The following CACNA1B variants were observed in gnomAD, a reference collection of about 807,000 sequenced individuals.
CACNA1B encodes the protein calcium voltage-gated channel subunit alpha1 B, also known as voltage-dependent N-type calcium channel subunit alpha-1B.
CACNA1B carries 70 observed loss-of-function variants against 247.2 expected under a neutral mutation model. That is an observed-to-expected ratio of 0.28 (90% confidence interval 0.23 to 0.35). CACNA1B has a LOEUF of 0.35. Ranked by LOEUF, CACNA1B falls within the 10% of genes least tolerant of loss-of-function variation. The pLI is 1.00. For missense variants in CACNA1B, 2,367 were observed against 3,197.4 expected, an observed-to-expected ratio of 0.74 and a Z score of 6.26; for synonymous variants, 1,231 against 1,294.4, an observed-to-expected ratio of 0.95 and a Z score of 1.05.
chr9:138,058,652 G>A lies in CACNA1B; in HGVS notation c.4392G>A (p.Thr1464=), dbSNP rs200508871. 1.2e-5 allele frequency: 20 copies of A among 1,613,414 alleles called. No individual in the cohort carries two copies. Among genetic ancestry groups the A allele is most frequent in the Admixed American group, 5.0e-5 (3 of 59,956 alleles). ...ACCGGCAGTCGTTCCAGTATAAGAC[G>A]TGGACATTTGTGGTCTCCCCGCCCT... ...PQNRQSFQYK[T]WTFVVSPPFE... Residue 1464 remains threonine, a synonymous_variant, in exon 29 of 47, where the codon ACG becomes ACA. Coordinates refer to ENST00000371372, the MANE Select transcript of CACNA1B (RefSeq NM_000718.4). The surrounding 1 kb of genome is among the most constrained non-coding windows in gnomAD (Gnocchi z 4.7).
chr9:138,060,823 C>A lies in CACNA1B; in HGVS notation c.4668+1086C>A, dbSNP rs149989563. Among the ~76,000 whole-genome samples, 959 of 152,298 alleles carry A rather than the reference C, an allele frequency of 6.3e-3. 3 individuals are homozygous for A. The highest frequency in any genetic ancestry group is 0.024 in the Middle Eastern group (7 of 294). On this transcript the variant is annotated intron_variant, in intron 31 of 46. Transcript: ENST00000371372. ...GTCTCTGGGAGACAGAGCGGAGCTCCGTCTGCTGTGCTGGTCCAAGCAGAG... is the reference window on the plus strand; with the variant it reads ...GTCTCTGGGAGACAGAGCGGAGCTCAGTCTGCTGTGCTGGTCCAAGCAGAG...
intron 39 of CACNA1B, among the ~76,000 whole-genome samples, chr9:138,108,517 T>C (rs1308176793): frequency 6.6e-6 from 1 of 152,188 alleles, no homozygotes; most frequent in Non-Finnish European, 1.5e-5. Context: ...TTCCAACTTA[T>C]TTTATTTTCA....
chr9:138,096,663 A>G, intron 37 of CACNA1B, 52 bp downstream of exon 37: 1 of 1,565,806 alleles, frequency 6.4e-7, no homozygotes, highest in Non-Finnish European at 8.7e-7. Context: ...ATGCCCATAG[A>G]TCTTGGGATG....
At position 138,012,163 on chromosome 9, in the gene CACNA1B, G is replaced by T. The variant is rs945211634; in HGVS notation, c.2161-966G>T. ...CACTGCAAGTGGTCACCCAGGAGTG[G>T]GGGAGACAGGGAGAGGCTTCTGACA... On this transcript the variant is annotated intron_variant, in intron 17 of 46. Coordinates refer to ENST00000371372, the MANE Select transcript of CACNA1B (RefSeq NM_000718.4). This position sits in a 1 kb window ranked among gnomAD's most constrained non-coding sequence, Gnocchi z 4.2. Among the ~76,000 whole-genome samples the T allele has an allele frequency of 6.6e-5, 10 of 152,208 alleles. No homozygotes were observed. Among genetic ancestry groups the T allele is most frequent in the Admixed American group, 1.3e-4 (2 of 15,280 alleles).
chr9:138,086,067 G>A (rs1005919751), intron 36 of CACNA1B, among the ~76,000 whole-genome samples: 10 of 150,908 alleles, frequency 6.6e-5, no homozygotes, highest in Non-Finnish European at 1.5e-4. Flanking sequence ...GAGGAAGAAA[G>A]GAAGAAAAGA....
chr9:137,897,521 G>A (rs7042286), intron 3 of CACNA1B, among the ~76,000 whole-genome samples: 20,776 of 151,958 alleles, frequency 0.14, 1,705 homozygotes, highest in East Asian at 0.38. Flanking sequence ...TAGAGGTTGC[G>A]ATGAGCCGAG....
At chr9:137,983,892 T>G (rs1958322439) in intron 12 of CACNA1B, among the ~76,000 whole-genome samples, 1 of 101,578 alleles carries the variant, frequency 9.8e-6, no homozygotes, top group African/African-American at 3.9e-5. Context: ...TCCTGGTGTG[T>G]CTGGGGTGGG....
At chr9:138,036,542 A>T (rs1959049291) in intron 20 of CACNA1B, among the ~76,000 whole-genome samples, 2 of 152,214 alleles carry the variant, frequency 1.3e-5, no homozygotes, top group Admixed American at 1.3e-4. Context: ...TTTACATCGT[A>T]GAAAATTCTC....
chr9:137,967,801 C>A (rs770301638), intron 10 of CACNA1B, among the ~76,000 whole-genome samples: 10 of 152,172 alleles, frequency 6.6e-5, no homozygotes, highest in African/African-American at 9.7e-5. Context: ...GGCTCAGGGC[C>A]CCTCTGGCGC....
At chr9:137,915,032 G>A (rs1000122521) in intron 5 of CACNA1B, among the ~76,000 whole-genome samples, 2 of 152,248 alleles carry the variant, frequency 1.3e-5, no homozygotes, top group African/African-American at 4.8e-5. Context: ...AAACAAAAAG[G>A]TATTTGAAAT....
chr9:138,000,234 G>A (rs962803293), intron 15 of CACNA1B, among the ~76,000 whole-genome samples: 20 of 151,560 alleles, frequency 1.3e-4, no homozygotes, highest in African/African-American at 4.1e-4. Context: ...GAGTGGCTGG[G>A]ACTACAGGCG....
At chr9:138,069,892 A>C in intron 32 of CACNA1B, 129 bp downstream of exon 32, 2 of 802,958 alleles carry the variant, frequency 2.5e-6, no homozygotes, top group South Asian at 1.5e-5. Context: ...GGCTGCATCC[A>C]CTCACCTCTG....
At chr9:137,929,965 A>G (rs572284449) in intron 6 of CACNA1B, among the ~76,000 whole-genome samples, 1 of 151,228 alleles carries the variant, frequency 6.6e-6, no homozygotes, top group South Asian at 2.1e-4. Flanking sequence ...AGTTTTTAAA[A>G]CTGTTTTTTT....
rs1162084037 is a variant in CACNA1B at position 137,957,103 on chromosome 9, C to T, written c.1243+276C>T. 6.6e-6 allele frequency among the ~76,000 whole-genome samples: 1 copy of T among 152,208 alleles called. No individual in the cohort carries two copies. Among genetic ancestry groups the T allele is most frequent in the Non-Finnish European group, 1.5e-5 (1 of 68,022 alleles). Reference sequence around the variant, plus strand: ...GGAGGGCTCATGGCACAACCTGGGGCCATGAGAGGGAGCCCGGGCCCCACT... The same window carrying T: ...GGAGGGCTCATGGCACAACCTGGGGTCATGAGAGGGAGCCCGGGCCCCACT... On this transcript the variant is annotated intron_variant, in intron 9 of 46. Coordinates refer to ENST00000371372, the MANE Select transcript of CACNA1B (RefSeq NM_000718.4). The surrounding 1 kb of genome is among the most constrained non-coding windows in gnomAD (Gnocchi z 4.7).
intron 20 of CACNA1B, 100 bp downstream of exon 20, chr9:138,025,272 A>G (rs897138870): frequency 4.0e-6 from 3 of 746,348 alleles, no homozygotes; most frequent in Admixed American, 4.4e-5. Flanking sequence ...GACCCAGCCT[A>G]CCTCTGTGAA....
At chr9:137,988,268 A>G (rs1958390529) in intron 15 of CACNA1B, among the ~76,000 whole-genome samples, 1 of 152,152 alleles carries the variant, frequency 6.6e-6, no homozygotes, top group Non-Finnish European at 1.5e-5. Context: ...ATTCCCAGCA[A>G]AGCAGCAAAA....
rs1243239419 is a variant in CACNA1B at position 138,054,190 on chromosome 9, C to T, written c.3968+184C>T. Reference sequence around the variant, plus strand: ...GAAGGGCTAGAGTCACCACAGAAGACAGGATGCATCCCCTCCCCAGCACCA... The same window carrying T: ...GAAGGGCTAGAGTCACCACAGAAGATAGGATGCATCCCCTCCCCAGCACCA... On this transcript the variant is annotated intron_variant, in intron 26 of 46. Coordinates refer to ENST00000371372, the MANE Select transcript of CACNA1B (RefSeq NM_000718.4). The surrounding 1 kb of genome is among the most constrained non-coding windows in gnomAD (Gnocchi z 4.6). Among the ~76,000 whole-genome samples, 3 of 152,178 alleles carry T rather than the reference C, an allele frequency of 2.0e-5. No individual in the cohort carries two copies. The highest frequency in any genetic ancestry group is 4.4e-5 in the Non-Finnish European group (3 of 68,026).
At chr9:137,926,020 C>T (rs1350153773) in intron 6 of CACNA1B, among the ~76,000 whole-genome samples, 4 of 146,686 alleles carry the variant, frequency 2.7e-5, no homozygotes, top group African/African-American at 7.6e-5. Flanking sequence ...TTCCAAATTG[C>T]TGGGATTACA....
rs1402136411 is a variant in CACNA1B at position 138,100,963 on chromosome 9, G to A, written c.5223-1748G>A. ...GAGCTCCAAGCCCCAGTACCCCGGC[G>A]AGGTGCCACCTGTCCAGTGCACCCC... is the stretch of plus-strand genomic sequence containing the variant. On this transcript the variant is annotated intron_variant, in intron 37 of 46. Coordinates refer to ENST00000371372, the MANE Select transcript of CACNA1B (RefSeq NM_000718.4). This position sits in a 1 kb window ranked among gnomAD's most constrained non-coding sequence, Gnocchi z 4.6. The A allele has an allele frequency of 4.9e-6, 2 of 404,696 alleles. No individual in the cohort carries two copies. The highest frequency in any genetic ancestry group is 1.0e-5 in the Non-Finnish European group (2 of 196,612). 25.1% of individuals were successfully genotyped at this position (404,696 alleles called of 1,614,324 possible). A position where few individuals can be genotyped will look rare whatever the true frequency, so the allele number is the denominator to read the frequency against.
Sources: allele counts gnomAD v4.1 joint callset (sites outside exome capture counted in the v4.1 genomes callset), GRCh38; gene constraint gnomAD v4.1.1; non-coding constraint Gnocchi (gnomAD v3.1); transcripts MANE v1.5; gene names NCBI Gene and HGNC (gene_info 2026-07-23, HGNC 2026-07-21).